NAALADL2: variants seen among roughly 807,000 people sequenced by gnomAD.
NAALADL2 encodes the protein inactive N-acetylated-alpha-linked acidic dipeptidase-like protein 2.
In NAALADL2, 76 loss-of-function variants were observed where a neutral mutation model predicts 87.2. The ratio of observed to expected loss-of-function variants is 0.87; its 90% CI spans 0.72 to 1.05. The LOEUF is 1.05. Among genes scored for constraint, NAALADL2 ranks in the 50% least tolerant of loss-of-function variants. NAALADL2 has a pLI of 0.00. For synonymous variants in NAALADL2, 354 were observed against 331.0 expected (o/e 1.07, Z -0.75); for missense variants, 1,089 against 945.8 (o/e 1.15, Z -1.99).
chr3:175,192,009 G>T (rs1274493181), intron 2 of NAALADL2, among the ~76,000 whole-genome samples: 2 of 152,016 alleles, frequency 1.3e-5, no homozygotes, highest in Non-Finnish European at 2.9e-5. Flanking sequence ...TAAAAATAAA[G>T]CCTGAAAGTG....
intron 1 of NAALADL2, among the ~76,000 whole-genome samples, chr3:175,049,056 G>A (rs1025758006): frequency 2.0e-5 from 3 of 152,180 alleles, no homozygotes; most frequent in Middle Eastern, 3.4e-3. Context: ...AGAGCCCTCC[G>A]CCAGTGGATG....
intron 12 of NAALADL2, among the ~76,000 whole-genome samples, chr3:175,744,808 C>T (rs1242774899): frequency 1.3e-5 from 2 of 152,112 alleles, no homozygotes; most frequent in Admixed American, 6.5e-5. Context: ...AGCTACAATG[C>T]TAGATAAGTT....
chr3:175,490,661 C>T (rs58470478), intron 9 of NAALADL2, among the ~76,000 whole-genome samples: 21,362 of 151,514 alleles, frequency 0.14, 2,342 homozygotes, highest in African/African-American at 0.3. Flanking sequence ...TCCCAAAGTG[C>T]TGGGATTACA....
chr3:175,131,739 C>G (rs1182133838), intron 2 of NAALADL2, among the ~76,000 whole-genome samples: 3 of 151,450 alleles, frequency 2.0e-5, no homozygotes, highest in Admixed American at 6.6e-5. Flanking sequence ...GCGCCCCTCA[C>G]CCCCCGGACA....
intron 12 of NAALADL2, among the ~76,000 whole-genome samples, chr3:175,754,343 T>C (rs1746983341): frequency 6.6e-6 from 1 of 152,180 alleles, no homozygotes; most frequent in Non-Finnish European, 1.5e-5. Context: ...ACAACTATAC[T>C]AGTGTTGCCT....
chr3:174,742,096 T>C (rs1366136939), intron 3 of NAALADL2, among the ~76,000 whole-genome samples: 3 of 151,714 alleles, frequency 2.0e-5, no homozygotes, highest in African/African-American at 7.2e-5. Flanking sequence ...CTTATTTCTC[T>C]CTTTCATAAT....
intron 10 of NAALADL2, among the ~76,000 whole-genome samples, chr3:175,594,321 A>G (rs559674682): frequency 2.3e-3 from 352 of 152,256 alleles, no homozygotes; most frequent in Non-Finnish European, 3.9e-3. Flanking sequence ...CTTTCAAAGG[A>G]CATGATTCAG....
intron 2 of NAALADL2, among the ~76,000 whole-genome samples, chr3:174,605,731 G>A (rs1031568032): frequency 6.6e-6 from 1 of 152,090 alleles, no homozygotes; most frequent in Non-Finnish European, 1.5e-5. Flanking sequence ...TCCACCTCTG[G>A]GGGCAGGGCA....
chr3:174,805,976 A>G (rs896411508), intron 3 of NAALADL2, among the ~76,000 whole-genome samples: 1 of 152,164 alleles, frequency 6.6e-6, no homozygotes, highest in Admixed American at 6.6e-5. Context: ...ACTATGTGCT[A>G]GTGTGTTTTC....
At chr3:175,290,420 G>T (rs1406281472) in intron 4 of NAALADL2, among the ~76,000 whole-genome samples, 1 of 152,140 alleles carries the variant, frequency 6.6e-6, no homozygotes, top group Non-Finnish European at 1.5e-5. Context: ...AGAGAAAGTA[G>T]ATCAGTGGTT....
intron 1 of NAALADL2, among the ~76,000 whole-genome samples, chr3:174,527,806 A>G (rs1352101883): frequency 6.6e-6 from 1 of 152,158 alleles, no homozygotes; most frequent in Non-Finnish European, 1.5e-5. Flanking sequence ...CTGGGATTTC[A>G]GGGGTTATCT....
At chr3:175,180,967 T>G (rs1736378053) in intron 2 of NAALADL2, among the ~76,000 whole-genome samples, 1 of 152,018 alleles carries the variant, frequency 6.6e-6, no homozygotes, top group Non-Finnish European at 1.5e-5. Context: ...GCTCTAAAGT[T>G]TTGTTAATAA....
upstream of NAALADL2, chr3:174,859,314 C>G (rs761498634): frequency 4.6e-5 from 41 of 886,616 alleles, 1 homozygote; most frequent in Admixed American, 2.2e-4. Context: ...TATACTGTTA[C>G]AATACTACAG....
At chr3:175,731,235 A>T (rs887238537) in intron 11 of NAALADL2, among the ~76,000 whole-genome samples, 3 of 152,138 alleles carry the variant, frequency 2.0e-5, no homozygotes, top group Admixed American at 1.3e-4. Context: ...TGAGAGCCTC[A>T]GTTTCTTTTT....
At chr3:174,448,393 A>G (rs1271667913) in intron 1 of NAALADL2, among the ~76,000 whole-genome samples, 1 of 152,220 alleles carries the variant, frequency 6.6e-6, no homozygotes, top group African/African-American at 2.4e-5. Context: ...ACCCTCCAAA[A>G]GAGGCACTGA....
intron 1 of NAALADL2, among the ~76,000 whole-genome samples, chr3:174,457,070 A>C (rs192775056): frequency 6.6e-6 from 1 of 152,176 alleles, no homozygotes; most frequent in South Asian, 2.1e-4. Context: ...TTCAAAAGAT[A>C]GGATACATAT....
intron 2 of NAALADL2, among the ~76,000 whole-genome samples, chr3:174,668,778 T>C (rs1360778216): frequency 3.9e-5 from 6 of 152,228 alleles, no homozygotes; most frequent in Non-Finnish European, 7.3e-5. Flanking sequence ...TGCATAATAT[T>C]CCATGGTGTA....
intron 5 of NAALADL2, among the ~76,000 whole-genome samples, chr3:175,327,782 C>A (rs1175094999): frequency 6.6e-6 from 1 of 152,078 alleles, no homozygotes; most frequent in Non-Finnish European, 1.5e-5. Context: ...GTTCCTTTTC[C>A]TCTGCCCCTC....
intron 9 of NAALADL2, among the ~76,000 whole-genome samples, chr3:175,565,820 GC>G (rs10642611): frequency 7.1e-5 from 5 of 70,184 alleles, no homozygotes; most frequent in African/African-American, 1.7e-4. Context: ...AAAAACAAAA[GC>G]CCCCCCCCTT....
Sources: allele counts gnomAD v4.1 joint callset (sites outside exome capture counted in the v4.1 genomes callset), GRCh38; gene constraint gnomAD v4.1.1; transcripts MANE v1.5; gene names NCBI Gene and HGNC (gene_info 2026-07-23, HGNC 2026-07-21).